ATE1: variants seen among roughly 807,000 people sequenced by gnomAD.
ATE1 encodes the protein arginyl-tRNA--protein transferase 1.
A neutral mutation model predicts 70.5 loss-of-function variants in ATE1; 36 were observed. That is an observed-to-expected ratio of 0.51 (90% CI 0.39 to 0.67). ATE1 has a LOEUF of 0.67. Ranked by LOEUF, ATE1 falls within the 30% of genes least tolerant of loss-of-function variation. The pLI is 0.00. For missense variants in ATE1, 593 were observed against 629.5 expected (o/e 0.94, Z 0.62); for synonymous variants, 232 against 219.3 (o/e 1.06, Z -0.51).
At chr10:121,924,370 T>A (rs780946860) in intron 1 of ATE1, 41 bp from the exon 2 acceptor site, 1 of 1,567,366 alleles carries the variant, frequency 6.4e-7, no homozygotes. Flanking sequence ...CAGGGTAACC[T>A]TTTTTCTTTT....
chr10:121,928,411 G>A (rs1375756994), upstream of ATE1: 12 of 1,527,070 alleles, frequency 7.9e-6, no homozygotes, highest in Non-Finnish European at 9.7e-6. Flanking sequence ...TGAGGCCCTT[G>A]TATTCCACCA....
rs1400163977 is a variant in ATE1 at position 121,920,179 on chromosome 10, A to G, written c.233+2170T>C. 4.6e-5 allele frequency among the ~76,000 whole-genome samples: 7 copies of G among 152,204 alleles called. No homozygotes were observed. The East Asian group carries it at 1.4e-3, about 29-fold the overall frequency. On this transcript the variant is annotated intron_variant, in intron 3 of 11. Transcript: ENST00000224652. ...GCTTCAAAATGTTAACGCACTTTTC[A>G]CATTTTCTATCAAAAAAAAAGGTTC... is the stretch of plus-strand genomic sequence containing the variant.
chr10:121,876,483 G>A (rs967753506), intron 7 of ATE1, among the ~76,000 whole-genome samples: 1 of 151,830 alleles, frequency 6.6e-6, no homozygotes, highest in African/African-American at 2.4e-5. Flanking sequence ...AAATAGAAAT[G>A]GTGGCTCTAT....
intron 4 of ATE1, among the ~76,000 whole-genome samples, chr10:121,912,042 G>A (rs757411965): frequency 2.0e-5 from 3 of 151,862 alleles, no homozygotes; most frequent in Non-Finnish European, 4.4e-5. Context: ...CACCATGCCC[G>A]GCCAAGCCCG....
intron 8 of ATE1, among the ~76,000 whole-genome samples, chr10:121,863,858 C>G (rs541789997): frequency 8.2e-4 from 125 of 152,322 alleles, no homozygotes; most frequent in African/African-American, 2.8e-3. Flanking sequence ...AACTGATCCT[C>G]CTGCCTCAGC....
At chr10:121,906,331 C>T (rs1951189055) in intron 5 of ATE1, among the ~76,000 whole-genome samples, 2 of 152,020 alleles carry the variant, frequency 1.3e-5, no homozygotes, top group Admixed American at 1.3e-4. Context: ...AGTTCAAGAC[C>T]AGCCTGTACA....
At chr10:121,886,577 A>T (rs777395976) in intron 7 of ATE1, among the ~76,000 whole-genome samples, 7 of 152,172 alleles carry the variant, frequency 4.6e-5, no homozygotes, top group Non-Finnish European at 8.8e-5. Flanking sequence ...AACTGAAATC[A>T]CTGGGTTAAT....
chr10:121,898,419 G>A (rs1344238260), intron 7 of ATE1, among the ~76,000 whole-genome samples: 2 of 152,222 alleles, frequency 1.3e-5, no homozygotes, highest in Non-Finnish European at 2.9e-5. Flanking sequence ...AAGCTATGAT[G>A]TTCGGTAGGT....
chr10:121,803,258 GCTGATTT>G (rs1331833360), intron 10 of ATE1, among the ~76,000 whole-genome samples: 1 of 152,144 alleles, frequency 6.6e-6, no homozygotes, highest in East Asian at 1.9e-4. Context: ...ATTCAGTTAA[GCTGATTT>G]CTGTCCAATC....
intron 8 of ATE1, among the ~76,000 whole-genome samples, chr10:121,862,416 T>A (rs997175421): frequency 1.3e-5 from 2 of 152,080 alleles, no homozygotes; most frequent in Non-Finnish European, 2.9e-5. Context: ...GAGTGCAGTG[T>A]TGTGATCAAG....
chr10:121,884,187 A>G (rs1950311434), intron 7 of ATE1, among the ~76,000 whole-genome samples: 1 of 151,564 alleles, frequency 6.6e-6, no homozygotes, highest in Non-Finnish European at 1.5e-5. Flanking sequence ...ACCTTAGGCA[A>G]ATTAATTAAT....
intron 7 of ATE1, among the ~76,000 whole-genome samples, chr10:121,871,429 A>G (rs1949855877): frequency 6.6e-6 from 1 of 152,230 alleles, no homozygotes; most frequent in Non-Finnish European, 1.5e-5. Context: ...ACTGCACTCC[A>G]GCCTAGGAGA....
At chr10:121,866,823 G>C (rs964447567) in intron 8 of ATE1, among the ~76,000 whole-genome samples, 3 of 148,198 alleles carry the variant, frequency 2.0e-5, no homozygotes, top group African/African-American at 7.5e-5. Flanking sequence ...CTCCAGCCTG[G>C]GTGACAGAGT....
chr10:121,854,948 T>C (rs1473553665), intron 8 of ATE1, among the ~76,000 whole-genome samples: 1 of 152,112 alleles, frequency 6.6e-6, no homozygotes, highest in Non-Finnish European at 1.5e-5. Flanking sequence ...AGGGTGGACC[T>C]TACCCAAAAC....
At chr10:121,768,482 G>A (rs1945368131) in intron 11 of ATE1, among the ~76,000 whole-genome samples, 1 of 152,088 alleles carries the variant, frequency 6.6e-6, no homozygotes, top group African/African-American at 2.4e-5. Context: ...GCAGGGGAGG[G>A]GGGAATCACT....
chr10:121,871,262 G>A (rs757553013), intron 7 of ATE1, among the ~76,000 whole-genome samples: 15 of 151,932 alleles, frequency 9.9e-5, no homozygotes, highest in African/African-American at 3.4e-4. Context: ...AGTTCGAGTC[G>A]AGCCTGGCCA....
At position 121,767,984 on chromosome 10, in the gene ATE1, G is replaced by A. The variant is rs571063424; in HGVS notation, c.1378+22185C>T. Among the ~76,000 whole-genome samples, 20 of 152,286 alleles carry A rather than the reference G, an allele frequency of 1.3e-4. No individual in the cohort carries two copies. In the South Asian group the frequency reaches 3.3e-3, roughly 25 times the overall value. ...GGTGAAGCAACCCAATGGATGAACT[G>A]ATAAACAATTTGTGATATATACATA... On this transcript the variant is annotated intron_variant, in intron 11 of 11. Transcript: ENST00000224652.
At chr10:121,921,450 C>A (rs1951878071) in intron 3 of ATE1, among the ~76,000 whole-genome samples, 1 of 150,850 alleles carries the variant, frequency 6.6e-6, no homozygotes, top group Non-Finnish European at 1.5e-5. Flanking sequence ...CTAGTGTGCT[C>A]TGGAGATTCT....
rs1373406410 is a variant in ATE1, at chr10:121,902,626, A to C, written c.584-6T>G. 1 of 1,584,106 alleles carries C rather than the reference A, an allele frequency of 6.3e-7. No individual in the cohort carries two copies. Among genetic ancestry groups the C allele is most frequent in the Non-Finnish European group, 8.6e-7 (1 of 1,165,058 alleles). On this transcript the variant is annotated splice_polypyrimidine_tract_variant and splice_region_variant and intron_variant, in intron 5 of 11. Coordinates refer to ENST00000224652, the MANE Select transcript of ATE1 (RefSeq NM_001001976.3). ...ACTCAAATCAGCCCCTTTGCCTAAA[A>C]AGAATTTTAAAATATTAGACCAATC...
Sources: gnomAD v4.1 joint callset for allele counts (sites outside exome capture counted in the v4.1 genomes callset) on GRCh38, gnomAD v4.1.1 for gene constraint, MANE v1.5 for transcripts, NCBI Gene and HGNC (gene_info 2026-07-23, HGNC 2026-07-21) for gene names.